The following TSEN34 variants were observed in gnomAD, a reference collection of about 807,000 sequenced individuals.
The protein encoded by TSEN34 is tRNA-splicing endonuclease subunit Sen34.
TSEN34 carries 25 observed loss-of-function variants against 30.2 expected under a neutral mutation model. The observed-to-expected ratio is 0.83, with a 90% CI of 0.60 to 1.16. The LOEUF (loss-of-function observed/expected upper bound fraction) is 1.16, where lower values mean the gene tolerates loss of function less well. Among genes scored for constraint, TSEN34 ranks in the 50% most tolerant of loss-of-function variants. The pLI is 0.00. For missense variants in TSEN34, 475 were observed against 411.9 expected (o/e 1.15, Z -1.33); for synonymous variants, 209 against 177.4 (o/e 1.18, Z -1.41).
rs966004909 is a variant in TSEN34 at position 54,191,452 on chromosome 19, G to A, written c.88G>A (p.Gly30Ser). ...QALRERLGVG[G>S]RTVGALPRGP... Reference sequence around the variant, plus strand: ...CCTCCGGGAGCGCCTGGGTGTGGGGGGCCGCACGGTAGGCGCCCTGCCCCG... The same window carrying A: ...CCTCCGGGAGCGCCTGGGTGTGGGGAGCCGCACGGTAGGCGCCCTGCCCCG... The change falls in exon 1 of 4, where the codon GGC becomes AGC. Residue 30 changes from glycine to serine, a missense_variant. Gly to Ser is a moderately conservative substitution (Grantham distance 56, BLOSUM62 0). Coordinates refer to ENST00000396388, the MANE Select transcript of TSEN34 (RefSeq NM_001077446.4). The A allele has an allele frequency of 6.5e-7, 1 of 1,547,890 alleles. No homozygotes were observed. The highest frequency in any genetic ancestry group is 1.2e-5 in the South Asian group (1 of 84,632).
In TSEN34 at chr19:54,193,295, TC is replaced by T. The variant is rs2076776642; in HGVS notation, c.868del (p.Leu290SerfsTer102). 1 of 1,614,036 alleles carries T rather than the reference TC, an allele frequency of 6.2e-7. No individual in the cohort carries two copies. Among genetic ancestry groups the T allele is most frequent in the Non-Finnish European group, 8.5e-7 (1 of 1,180,038 alleles). On this transcript the variant is annotated frameshift_variant, in exon 4 of 4. Coordinates refer to ENST00000396388, the MANE Select transcript of TSEN34 (RefSeq NM_001077446.4). LOFTEE classifies it high-confidence loss of function. The stretch of plus-strand genomic sequence containing the variant: ...GGAACCAGCGTCAGAAAGACCCTGC[TC>T]CTCTGTTCTCCGCAGCCTGATGGTA... ...RLGTSVRKTL[L>X]LCSPQPDGKV...
Position 54,193,913 on chromosome 19 carries a change from A to C in TSEN34, c.*551A>C, listed in dbSNP as rs1472313986. On this transcript the variant is annotated 3_prime_UTR_variant, in exon 4 of 4. Coordinates refer to ENST00000396388, the MANE Select transcript of TSEN34 (RefSeq NM_001077446.4). Reference sequence around the variant, plus strand: ...ATGCATACAAACGTTATAAATAAAAATATAGGCTGGGCACGATGACCCACA... The same window carrying C: ...ATGCATACAAACGTTATAAATAAAACTATAGGCTGGGCACGATGACCCACA... The C allele has an allele frequency of 5.4e-6, 3 of 555,018 alleles. No homozygotes were observed. The African/African-American group carries it at 5.7e-5, about 10-fold the overall frequency. 34.4% of individuals were successfully genotyped at this position (555,018 alleles called of 1,614,324 possible).
upstream of TSEN34, chr19:54,190,737 C>T: frequency 8.4e-7 from 1 of 1,193,506 alleles, no homozygotes; most frequent in Non-Finnish European, 1.0e-6. Flanking sequence ...GAGCCGAGGA[C>T]GCCCGAACGC....
chr19:54,190,858 G>C (rs1025344267), upstream of TSEN34: 20 of 1,047,088 alleles, frequency 1.9e-5, no homozygotes, highest in Non-Finnish European at 2.2e-5. Context: ...GCGAAGGCTC[G>C]AGCGTCCGGA....
chr19:54,192,433 G>T, intron 3 of TSEN34, 60 bp downstream of exon 3: 1 of 1,564,018 alleles, frequency 6.4e-7, no homozygotes, highest in Middle Eastern at 1.9e-4. Flanking sequence ...AATGTATTCT[G>T]CGTTTTTCTT....
chr19:54,190,861 C>A, upstream of TSEN34: 1 of 1,045,554 alleles, frequency 9.6e-7, no homozygotes, highest in Non-Finnish European at 1.1e-6. Context: ...AAGGCTCGAG[C>A]GTCCGGAAGA....
Position 54,193,309 on chromosome 19 carries a change from C to T in TSEN34, c.880C>T (p.Gln294Ter). Residue 294 changes from glutamine to a stop codon, truncating the protein, a stop_gained, in exon 4 of 4, where the codon CAG becomes TAG. Coordinates refer to ENST00000396388, the MANE Select transcript of TSEN34 (RefSeq NM_001077446.4). LOFTEE classifies it high-confidence loss of function. ...AAAGACCCTGCTCCTCTGTTCTCCG[C>T]AGCCTGATGGTAAGGTGGTCTACAC... ...VRKTLLLCSP[Q>*]PDGKVVYTSL... is the part of the protein sequence containing the mutation. 6.2e-7 allele frequency: 1 copy of T among 1,614,194 alleles called. No homozygotes were observed. Among genetic ancestry groups the T allele is most frequent in the Non-Finnish European group, 8.5e-7 (1 of 1,180,044 alleles).
Position 54,191,497 on chromosome 19 carries a change from C to A in TSEN34, c.133C>A (p.Arg45Ser). 1 of 1,572,340 alleles carries A rather than the reference C, an allele frequency of 6.4e-7. No individual in the cohort carries two copies. ...ALPRGPRQNS[R>S]LGLPLLLMPE... The stretch of plus-strand genomic sequence containing the variant: ...GCCCCGCGGGCCCCGCCAGAACTCG[C>A]GCCTGGGCCTCCCGCTGCTGCTGAT... The change falls in exon 1 of 4, where the codon CGC (arginine) becomes AGC (serine). Residue 45 changes from arginine to serine, a missense_variant. By Grantham distance (110) the Arg-to-Ser change is moderately radical (BLOSUM62 -1). Coordinates refer to ENST00000396388, the MANE Select transcript of TSEN34 (RefSeq NM_001077446.4).
chr19:54,191,074 C>T, upstream of TSEN34: 1 of 1,289,938 alleles, frequency 7.8e-7, no homozygotes, highest in Non-Finnish European at 9.8e-7. Flanking sequence ...CGGGTGCCGA[C>T]CGCAGGGTCA....
chr19:54,191,541 C>T lies in TSEN34; in HGVS notation c.177C>T (p.Leu59=), dbSNP rs371101113. Residue 59 remains leucine, a synonymous_variant, in exon 1 of 4, where the codon CTC becomes CTT. Transcript: ENST00000396388. ...TGCTGATGCCCGAAGAGGCGCGGCT[C>T]TTGGCCGAGATCGGCGCCGTGACTC... is the stretch of plus-strand genomic sequence containing the variant. ...PLLLMPEEAR[L]LAEIGAVTLV... 2.4e-5 allele frequency: 39 copies of T among 1,601,458 alleles called. No homozygotes were observed. The highest frequency in any genetic ancestry group is 1.7e-4 in the Middle Eastern group (1 of 5,868).
chr19:54,189,519 A>C (rs893531371), upstream of TSEN34: 6 of 152,614 alleles, frequency 3.9e-5, no homozygotes, highest in Admixed American at 1.3e-4. Flanking sequence ...GGCAGGGAAG[A>C]AGCCCCGGAG....
At chr19:54,190,806 G>A, upstream of TSEN34, 3 of 1,088,072 alleles carry the variant, frequency 2.8e-6, no homozygotes, top group Non-Finnish European at 2.2e-6. Context: ...TGAGAGCGAG[G>A]AGGTCCGAAA....
In TSEN34 at chr19:54,191,763, G is replaced by A. The variant is rs1239899532; in HGVS notation, c.286G>A (p.Glu96Lys). Residue 96 changes from glutamate to lysine, a missense_variant, in exon 2 of 4, where the codon GAG becomes AAG. Glu to Lys is a moderately conservative substitution (Grantham distance 56, BLOSUM62 1). Transcript: ENST00000396388. ...GCGCCAGCAAGAGGAGAGCTTCCAG[G>A]AGCAGAGCGCCTTGGCAGCTGAGGC... ...FKRQQEESFQ[E>K]QSALAAEARE... The A allele has an allele frequency of 6.2e-7, 1 of 1,614,072 alleles. No homozygotes were observed. Among genetic ancestry groups the A allele is most frequent in the African/African-American group, 1.3e-5 (1 of 74,942 alleles).
At chr19:54,190,978 T>C (rs1344900801), upstream of TSEN34, 5 of 1,092,372 alleles carry the variant, frequency 4.6e-6, no homozygotes, top group South Asian at 6.4e-5. Context: ...AATGGACCTT[T>C]GTAAGGGGGC....
Position 54,191,369 on chromosome 19 carries a change from TGGTGGTGGA to T in TSEN34, c.11_19del (p.Val4_Val6del). Reference sequence around the variant, plus strand: ...CCTCCCGGCTCCCGCAGGAGGATGCTGGTGGTGGAGGTGGCGAACGGCCGCTCCCTGGTG... The same window carrying T: ...CCTCCCGGCTCCCGCAGGAGGATGCTGGTGGCGAACGGCCGCTCCCTGGTG... On this transcript the variant is annotated inframe_deletion, in exon 1 of 4. Transcript: ENST00000396388. The T allele has an allele frequency of 6.5e-7, 1 of 1,550,048 alleles. No individual in the cohort carries two copies. The highest frequency in any genetic ancestry group is 8.7e-7 in the Non-Finnish European group (1 of 1,147,206).
upstream of TSEN34, chr19:54,190,337 T>A: frequency 1.3e-6 from 2 of 1,526,272 alleles, no homozygotes; most frequent in South Asian, 2.4e-5. Context: ...GCGCAGTGGG[T>A]GGCTCCACCT....
Position 54,194,012 on chromosome 19 carries a change from G to T in TSEN34, c.*650G>T. On this transcript the variant is annotated 3_prime_UTR_variant, in exon 4 of 4. Transcript: ENST00000396388. ...AGCCCAGGAGTTTGAGACCAGCTCT[G>T]GCAACATTGTAATACCCAGTCTCTA... The T allele has an allele frequency of 3.5e-6, 1 of 285,194 alleles. No homozygotes were observed. Among genetic ancestry groups the T allele is most frequent in the South Asian group, 5.8e-5 (1 of 17,292 alleles). The allele number at this position is 285,194 out of a possible 1,614,324, so 17.7% of individuals were successfully genotyped here.
chr19:54,192,149 G>C lies in TSEN34; in HGVS notation c.521G>C (p.Gly174Ala), dbSNP rs1463790091. 7 of 1,614,040 alleles carry C rather than the reference G, an allele frequency of 4.3e-6. No individual in the cohort carries two copies. In the African/African-American group the frequency reaches 8.0e-5, roughly 18 times the overall value. ...PSSSQAGPSN[G>A]VAPLPRSALL... is the part of the protein sequence containing the mutation. ...TCTTCCCAAGCAGGACCCTCAAATG[G>C]GGTAGCCCCCTTGCCCAGATCTGCT... The change falls in exon 3 of 4, where the codon GGG becomes GCG. Residue 174 changes from glycine to alanine, a missense_variant. Transcript: ENST00000396388.
At position 54,192,225 on chromosome 19, in the gene TSEN34, C is replaced by G. The variant is rs776155839; in HGVS notation, c.597C>G (p.Pro199=). 2 of 1,613,996 alleles carry G rather than the reference C, an allele frequency of 1.2e-6. No homozygotes were observed. The highest frequency in any genetic ancestry group is 1.3e-5 in the African/African-American group (1 of 74,924). Residue 199 remains proline, a synonymous_variant, in exon 3 of 4, where the codon CCC becomes CCG. Transcript: ENST00000396388. Reference sequence around the variant, plus strand: ...GGCCTCGACCGGTCAAGGCCAGGCCCCTGGACTGGCGTGTCCAGTCTAAAG... The same window carrying G: ...GGCCTCGACCGGTCAAGGCCAGGCCGCTGGACTGGCGTGTCCAGTCTAAAG... The part of the protein sequence containing the change: ...TARPRPVKAR[P]LDWRVQSKDW...
Sources: allele counts gnomAD v4.1 joint callset, GRCh38; gene constraint gnomAD v4.1.1; transcripts MANE v1.5; gene names NCBI Gene and HGNC (gene_info 2026-07-23, HGNC 2026-07-21).